Variants in PSME3IP1 observed in about 807,000 individuals in gnomAD.
The protein encoded by PSME3IP1 is PSME3-interacting protein.
PSME3IP1 carries 13 observed loss-of-function variants against 34.1 expected under a neutral mutation model. That is an observed-to-expected ratio of 0.38 (90% CI 0.25 to 0.61). PSME3IP1 has a LOEUF of 0.61. Ranked by LOEUF, PSME3IP1 falls within the 20% of genes least tolerant of loss-of-function variation. PSME3IP1 has a pLI of 0.60. For synonymous variants in PSME3IP1, 93 were observed against 114.3 expected, an observed-to-expected ratio of 0.81 and a Z score of 1.19; for missense variants, 237 against 301.4, an observed-to-expected ratio of 0.79 and a Z score of 1.58.
chr16:57,174,787 T>C, intron 1 of PSME3IP1: 1 of 630,402 alleles, frequency 1.6e-6, no homozygotes. Flanking sequence ...TGAATACTAA[T>C]CTGACTCTTC....
chr16:57,172,163 C>T (rs2072661683), intron 4 of PSME3IP1, 88 bp downstream of exon 4: 1 of 1,425,690 alleles, frequency 7.0e-7, no homozygotes, highest in Admixed American at 1.9e-5. Context: ...GGTAGAAAAC[C>T]CTCTTTCTGT....
chr16:57,168,943 A>T (rs759212807), intron 4 of PSME3IP1, among the ~76,000 whole-genome samples: 4 of 150,592 alleles, frequency 2.7e-5, no homozygotes, highest in Middle Eastern at 3.4e-3. Context: ...ATTAAATATT[A>T]AAAAAAAACA....
chr16:57,173,201 G>A (rs1567421655), intron 2 of PSME3IP1, among the ~76,000 whole-genome samples: 1 of 152,216 alleles, frequency 6.6e-6, no homozygotes, highest in Non-Finnish European at 1.5e-5. Context: ...AGATGGAGGA[G>A]AGGAGCAGAA....
chr16:57,163,864 A>C lies in PSME3IP1; in HGVS notation c.547+137T>G, dbSNP rs1280780487. 5.9e-6 allele frequency: 5 copies of C among 848,960 alleles called. No homozygotes were observed. In the African/African-American group the frequency reaches 8.4e-5, roughly 14 times the overall value. 52.6% of individuals were successfully genotyped at this position (848,960 alleles called of 1,614,324 possible). A position where few individuals can be genotyped will look rare whatever the true frequency, so the allele number is the denominator to read the frequency against. On this transcript the variant is annotated intron_variant, in intron 6 of 6. Transcript: ENST00000309137. ...GTAATAAAATCCTGCCTGGCATAAA[A>C]AAGTTGGGTAAATTAAGCATAGGTA...
At chr16:57,171,405 G>A (rs2072574558) in intron 4 of PSME3IP1, among the ~76,000 whole-genome samples, 1 of 152,174 alleles carries the variant, frequency 6.6e-6, no homozygotes, top group African/African-American at 2.4e-5. Context: ...AAATGTAAGG[G>A]GAACCCACTA....
At chr16:57,179,497 A>G (rs143800947) in intron 1 of PSME3IP1, among the ~76,000 whole-genome samples, 1 of 152,354 alleles carries the variant, frequency 6.6e-6, no homozygotes, top group Non-Finnish European at 1.5e-5. Flanking sequence ...AGCACACTAC[A>G]CATGTTTTAA....
chr16:57,176,903 G>A (rs573990832), intron 1 of PSME3IP1, among the ~76,000 whole-genome samples: 11 of 151,802 alleles, frequency 7.2e-5, no homozygotes, highest in East Asian at 5.8e-4. Flanking sequence ...CGCCCAGGCC[G>A]GAGTGCAGTG....
At chr16:57,179,882 AAG>A (rs1260697667) in intron 1 of PSME3IP1, among the ~76,000 whole-genome samples, 1 of 152,262 alleles carries the variant, frequency 6.6e-6, no homozygotes, top group Non-Finnish European at 1.5e-5. Flanking sequence ...GACAGCAACT[AAG>A]AGGAATTTGC....
intron 1 of PSME3IP1, among the ~76,000 whole-genome samples, chr16:57,182,568 A>AAAAAAC (rs2073821670): frequency 6.7e-6 from 1 of 150,312 alleles, no homozygotes; most frequent in African/African-American, 2.5e-5. Context: ...AAAAAAAAAA[A>AAAAAAC]AAAAAAAACT....
intron 1 of PSME3IP1, chr16:57,178,771 A>G: frequency 2.0e-6 from 2 of 985,446 alleles, no homozygotes; most frequent in Non-Finnish European, 2.4e-6. Flanking sequence ...ATTTCAACTG[A>G]TTAAAAATGG....
chr16:57,179,904 A>G (rs1056919494), intron 1 of PSME3IP1, among the ~76,000 whole-genome samples: 3 of 152,248 alleles, frequency 2.0e-5, no homozygotes, highest in African/African-American at 7.2e-5. Context: ...CCATCTGGCT[A>G]ACTCATCTAT....
chr16:57,154,383 G>A lies in PSME3IP1; in HGVS notation c.672C>T (p.Ser224=), dbSNP rs926192045. The A allele has an allele frequency of 1.6e-5, 26 of 1,613,968 alleles. No homozygotes were observed. The highest frequency in any genetic ancestry group is 5.3e-5 in the African/African-American group (4 of 74,892). ...GLGAYSGSSD[S]ESSSDSEGTI... is the part of the protein sequence containing the mutation. ...TGCCTTCGCTGTCTGAGCTGGACTC[G>A]GAGTCGCTGCTCCCAGAGTAGGCAC... The change falls in exon 7 of 7, where the codon TCC becomes TCT. Residue 224 remains serine, a synonymous_variant. Transcript: ENST00000309137. The surrounding 1 kb of genome is among the most constrained non-coding windows in gnomAD (Gnocchi z 4.0).
At chr16:57,155,105 A>G (rs2070363998) in intron 6 of PSME3IP1, among the ~76,000 whole-genome samples, 1 of 152,254 alleles carries the variant, frequency 6.6e-6, no homozygotes, top group Non-Finnish European at 1.5e-5. Context: ...AACGTTCTTT[A>G]TTAAGAAGGG....
Position 57,154,940 on chromosome 16 carries a change from C to T in PSME3IP1, c.548-433G>A, listed in dbSNP as rs2070343485. Among the ~76,000 whole-genome samples, 1 of 152,228 alleles carries T rather than the reference C, an allele frequency of 6.6e-6. No homozygotes were observed. Among genetic ancestry groups the T allele is most frequent in the Non-Finnish European group, 1.5e-5 (1 of 68,042 alleles). ...ATTCCATTAAGTTCTCAGCGTATTA[C>T]ACCATTTCTTATTTACTGACCAATA... is the stretch of plus-strand genomic sequence containing the variant. On this transcript the variant is annotated intron_variant, in intron 6 of 6. Coordinates refer to ENST00000309137, the MANE Select transcript of PSME3IP1 (RefSeq NM_024946.4). The surrounding 1 kb of genome is among the most constrained non-coding windows in gnomAD (Gnocchi z 4.0).
intron 5 of PSME3IP1, among the ~76,000 whole-genome samples, chr16:57,166,400 C>G (rs142336115): frequency 1.3e-4 from 20 of 152,358 alleles, no homozygotes; most frequent in African/African-American, 4.6e-4. Context: ...AACCTAGCCA[C>G]AGCCAGGTCT....
chr16:57,174,668 G>C, intron 1 of PSME3IP1: 1 of 985,412 alleles, frequency 1.0e-6, no homozygotes, highest in Non-Finnish European at 1.2e-6. Flanking sequence ...AGCTATTGAA[G>C]ACTTAGTGTT....
intron 1 of PSME3IP1, among the ~76,000 whole-genome samples, chr16:57,183,588 C>T (rs1255164593): frequency 6.6e-6 from 1 of 152,144 alleles, no homozygotes; most frequent in Non-Finnish European, 1.5e-5. Flanking sequence ...CCACCTCGAC[C>T]TACCAAAGTG....
chr16:57,181,734 AGAACTTAGAG>A (rs1168348204), intron 1 of PSME3IP1: 11 of 152,236 alleles, frequency 7.2e-5, no homozygotes, highest in East Asian at 3.8e-4. Flanking sequence ...ACCAATTCAC[AGAACTTAGAG>A]GAACTTAGAG....
intron 1 of PSME3IP1, among the ~76,000 whole-genome samples, chr16:57,176,813 T>C (rs749999430): frequency 3.9e-5 from 6 of 152,254 alleles, no homozygotes; most frequent in Admixed American, 1.3e-4. Context: ...GGCAATGCCA[T>C]TGGTGTCCCA....
Sources: allele counts gnomAD v4.1 joint callset (sites outside exome capture counted in the v4.1 genomes callset), GRCh38; gene constraint gnomAD v4.1.1; non-coding constraint Gnocchi (gnomAD v3.1); transcripts MANE v1.5; gene names NCBI Gene and HGNC (gene_info 2026-07-23, HGNC 2026-07-21).